The following SLC39A11 variants were observed in gnomAD, a reference collection of about 807,000 sequenced individuals.
SLC39A11 encodes the protein solute carrier family 39 member 11.
SLC39A11 carries 33 observed loss-of-function variants against 36.1 expected under a neutral mutation model. That is an observed-to-expected ratio of 0.91 (90% confidence interval 0.69 to 1.22). SLC39A11 has a LOEUF of 1.22. Ranked by LOEUF, SLC39A11 falls within the 50% of genes most tolerant of loss-of-function variation. The pLI is 0.00. For synonymous variants in SLC39A11, 166 were observed against 170.3 expected (o/e 0.97, Z 0.20); for missense variants, 432 against 430.3 (o/e 1.00, Z -0.03).
chr17:72,789,205 C>T (rs11871033), intron 6 of SLC39A11, among the ~76,000 whole-genome samples: 69,256 of 152,000 alleles, frequency 0.46, 18,486 homozygotes, highest in Non-Finnish European at 0.61. Flanking sequence ...CGGCTAATTT[C>T]TGTGTTTTTA....
intron 4 of SLC39A11, among the ~76,000 whole-genome samples, chr17:72,970,119 T>C (rs2087329904): frequency 6.6e-6 from 1 of 152,222 alleles, no homozygotes; most frequent in African/African-American, 2.4e-5. Flanking sequence ...TTTCAACCGT[T>C]AAAAGGTCAG....
At chr17:72,798,414 C>CTTTTTTTTTTTTT (rs145211486) in intron 6 of SLC39A11, among the ~76,000 whole-genome samples, 3 of 140,632 alleles carry the variant, frequency 2.1e-5, no homozygotes, top group South Asian at 2.2e-4. Context: ...CCACTTCTTT[C>CTTTTTTTTTTTTT]TTTCTTTTTT....
intron 4 of SLC39A11, among the ~76,000 whole-genome samples, chr17:73,004,232 A>AAAG: frequency 0.024 from 2,153 of 88,674 alleles, 343 homozygotes; most frequent in African/African-American, 0.081. Context: ...AGAAAGAAAG[A>AAAG]AAAGAAAGAA....
intron 3 of SLC39A11, among the ~76,000 whole-genome samples, chr17:73,047,567 G>C (rs1426596919): frequency 1.3e-5 from 2 of 152,000 alleles, no homozygotes; most frequent in African/African-American, 2.4e-5. Flanking sequence ...TTCTCATATG[G>C]GGAAACAGAG....
intron 3 of SLC39A11, among the ~76,000 whole-genome samples, chr17:73,043,565 C>T (rs1344671551): frequency 1.3e-5 from 2 of 152,098 alleles, no homozygotes. Context: ...CCACTGTCTT[C>T]GGCAGGGTAA....
At chr17:72,775,926 T>C (rs1346573167) in intron 6 of SLC39A11, among the ~76,000 whole-genome samples, 1 of 152,224 alleles carries the variant, frequency 6.6e-6, no homozygotes, top group African/African-American at 2.4e-5. Context: ...ACAGAACTCC[T>C]CCACTGGCTC....
chr17:72,786,215 C>A (rs368112488), intron 6 of SLC39A11, among the ~76,000 whole-genome samples: 7 of 152,204 alleles, frequency 4.6e-5, no homozygotes, highest in East Asian at 1.9e-4. Flanking sequence ...CCCTTCCCAT[C>A]CACAAACATA....
chr17:73,073,900 A>G (rs2060239029), intron 3 of SLC39A11: 10 of 152,182 alleles, frequency 6.6e-5, no homozygotes. Flanking sequence ...CTCAGAGTCC[A>G]TGAGCCTATT....
intron 4 of SLC39A11, among the ~76,000 whole-genome samples, chr17:72,948,151 A>G (rs2147735606): frequency 6.6e-6 from 1 of 152,320 alleles, no homozygotes; most frequent in African/African-American, 2.4e-5. Context: ...ATATACCAGG[A>G]AAGATTGGGA....
At chr17:72,784,466 A>C (rs906611344) in intron 6 of SLC39A11, among the ~76,000 whole-genome samples, 16 of 152,214 alleles carry the variant, frequency 1.1e-4, no homozygotes, top group Admixed American at 1.3e-4. Flanking sequence ...GCATTACTGC[A>C]GAGAGCATTT....
At chr17:72,905,589 T>A (rs2082615610) in intron 5 of SLC39A11, among the ~76,000 whole-genome samples, 1 of 149,540 alleles carries the variant, frequency 6.7e-6, no homozygotes, top group Non-Finnish European at 1.5e-5. Context: ...AGAGCAAGAC[T>A]CTGTCTCTAA....
At chr17:72,946,149 A>G (rs1246761295) in intron 5 of SLC39A11, among the ~76,000 whole-genome samples, 2 of 152,242 alleles carry the variant, frequency 1.3e-5, no homozygotes, top group African/African-American at 4.8e-5. Flanking sequence ...CTGTGTCACC[A>G]GACAGTCCTT....
At chr17:72,666,343 G>C (rs568995627) in intron 7 of SLC39A11, among the ~76,000 whole-genome samples, 2 of 152,302 alleles carry the variant, frequency 1.3e-5, no homozygotes, top group African/African-American at 4.8e-5. Context: ...ACCACTCCAA[G>C]AGGAAACTCC....
chr17:72,677,945 C>T (rs1343685107), intron 7 of SLC39A11, among the ~76,000 whole-genome samples: 3 of 152,178 alleles, frequency 2.0e-5, no homozygotes, highest in Admixed American at 2.0e-4. Context: ...CCATCCAGTG[C>T]TCCCGTGTTC....
At chr17:72,757,087 A>G (rs2144461881) in intron 6 of SLC39A11, among the ~76,000 whole-genome samples, 1 of 152,040 alleles carries the variant, frequency 6.6e-6, no homozygotes, top group African/African-American at 2.4e-5. Flanking sequence ...AATCGCTTGA[A>G]ACCAGAAGGC....
At chr17:72,831,385 A>G (rs2078279546) in intron 6 of SLC39A11, among the ~76,000 whole-genome samples, 1 of 152,156 alleles carries the variant, frequency 6.6e-6, no homozygotes, top group Non-Finnish European at 1.5e-5. Context: ...GATAACTGCT[A>G]TTTATCTGGT....
At chr17:72,958,696 C>T (rs1350940959) in intron 4 of SLC39A11, among the ~76,000 whole-genome samples, 3 of 151,884 alleles carry the variant, frequency 2.0e-5, no homozygotes, top group South Asian at 2.1e-4. Context: ...ACTAAAAATA[C>T]AAAAATTAGC....
At chr17:72,941,866 T>TTATG (rs750932291) in intron 5 of SLC39A11, among the ~76,000 whole-genome samples, 22 of 140,454 alleles carry the variant, frequency 1.6e-4, no homozygotes, top group Non-Finnish European at 3.0e-4. Context: ...TTCATTCTAT[T>TTATG]TATTTATTTA....
chr17:73,030,930 G>A (rs1409746323), intron 4 of SLC39A11, among the ~76,000 whole-genome samples: 2 of 152,192 alleles, frequency 1.3e-5, no homozygotes, highest in Admixed American at 1.3e-4. Flanking sequence ...CCTGCCATAT[G>A]TCAGTAAAAA....
Sources: allele counts gnomAD v4.1 joint callset (sites outside exome capture counted in the v4.1 genomes callset), GRCh38; gene constraint gnomAD v4.1.1; transcripts MANE v1.5; gene names NCBI Gene and HGNC (gene_info 2026-07-23, HGNC 2026-07-21).